Variants in KLHL1 observed in about 807,000 individuals in gnomAD.
KLHL1 encodes kelch-like protein 1.
In KLHL1, 47 loss-of-function variants were observed where a neutral mutation model predicts 77.7. The ratio of observed to expected loss-of-function variants is 0.60; its 90% CI spans 0.48 to 0.77. The LOEUF (loss-of-function observed/expected upper bound fraction) is 0.77, where lower values mean the gene tolerates loss of function less well. Among genes scored for constraint, KLHL1 ranks in the 30% least tolerant of loss-of-function variants. KLHL1 has a pLI of 0.00. For synonymous variants in KLHL1, 360 were observed against 325.2 expected (o/e 1.11, Z -1.15); for missense variants, 925 against 910.8 (o/e 1.02, Z -0.20).
At chr13:70,004,381 G>A (rs11619708) in intron 1 of KLHL1, among the ~76,000 whole-genome samples, 12,155 of 151,698 alleles carry the variant, frequency 0.08, 548 homozygotes, top group Non-Finnish European at 0.1. Context: ...AATGCTAAGC[G>A]TCCAAGATTA....
Position 69,966,842 on chromosome 13 carries a change from T to G in KLHL1, c.681-5398A>C, listed in dbSNP as rs145063187. 7.3e-3 allele frequency among the ~76,000 whole-genome samples: 1,110 copies of G among 152,266 alleles called. 7 individuals are homozygous for G. The highest frequency in any genetic ancestry group is 9.8e-3 in the Non-Finnish European group (665 of 68,012). On this transcript the variant is annotated intron_variant, in intron 2 of 10. Transcript: ENST00000377844. ...TATAATCACAGCTTTTAGCAACTAC[T>G]TATGAGTGAAGACATATGACATTTG...
Position 69,848,955 on chromosome 13 carries a change from A to C in KLHL1, c.1228-9793T>G, listed in dbSNP as rs552265769. 4.0e-5 allele frequency among the ~76,000 whole-genome samples: 6 copies of C among 151,606 alleles called. No individual in the cohort carries two copies. In the Admixed American group the frequency reaches 4.0e-4, roughly 10 times the overall value. ...TTTGATTAACTTTTATTTATTTAAC[A>C]TGGGTTTACTGTTCCATATTTTGAA... On this transcript the variant is annotated intron_variant, in intron 5 of 10. Transcript: ENST00000377844.
At chr13:69,854,865 T>A (rs1326344727) in intron 5 of KLHL1, among the ~76,000 whole-genome samples, 2 of 152,014 alleles carry the variant, frequency 1.3e-5, no homozygotes, top group African/African-American at 4.8e-5. Context: ...CCAAGAAAAT[T>A]CTTAATTGTA....
intron 5 of KLHL1, among the ~76,000 whole-genome samples, chr13:69,848,832 G>T (rs1203429105): frequency 2.6e-5 from 4 of 151,400 alleles, no homozygotes; most frequent in Non-Finnish European, 4.4e-5. Context: ...AAGTACAGAA[G>T]AATAATGACA....
chr13:69,708,329 G>A (rs977973477), intron 9 of KLHL1, among the ~76,000 whole-genome samples: 2 of 151,900 alleles, frequency 1.3e-5, no homozygotes, highest in Non-Finnish European at 2.9e-5. Context: ...TTAATGCATG[G>A]TCCGCTTTGA....
intron 3 of KLHL1, among the ~76,000 whole-genome samples, chr13:69,942,843 A>T (rs1222194274): frequency 6.6e-6 from 1 of 152,142 alleles, no homozygotes; most frequent in Non-Finnish European, 1.5e-5. Context: ...GCTATGACAT[A>T]CACTTTCCCA....
intron 2 of KLHL1, among the ~76,000 whole-genome samples, chr13:69,963,486 GT>G (rs1826388225): frequency 6.6e-6 from 1 of 152,102 alleles, no homozygotes. Context: ...TATTTTACAT[GT>G]TGAAAATTCT....
chr13:70,011,318 ACACAGATATTAT>A (rs1216958572), intron 1 of KLHL1, among the ~76,000 whole-genome samples: 2 of 152,212 alleles, frequency 1.3e-5, no homozygotes, highest in Non-Finnish European at 1.5e-5. Context: ...AAACCTGTCA[ACACAGATATTAT>A]AAATTATACA....
At chr13:70,086,622 GAAAGAAAGAAAA>G (rs1262494531) in intron 1 of KLHL1, among the ~76,000 whole-genome samples, 2 of 54,382 alleles carry the variant, frequency 3.7e-5, no homozygotes, top group East Asian at 6.2e-4. Context: ...AAGAAAGAAA[GAAAGAAAGAAAA>G]AAGAAAAAGA....
chr13:70,100,178 T>C (rs1010911823), intron 1 of KLHL1, among the ~76,000 whole-genome samples: 25 of 147,856 alleles, frequency 1.7e-4, no homozygotes, highest in African/African-American at 6.1e-4. Context: ...GAATATTATA[T>C]ATTCATATTT....
chr13:69,986,847 C>G (rs1884885293), intron 1 of KLHL1, among the ~76,000 whole-genome samples: 1 of 151,824 alleles, frequency 6.6e-6, no homozygotes, highest in Admixed American at 6.6e-5. Flanking sequence ...TTCTGACATA[C>G]TTATTATTTG....
chr13:69,862,466 A>G (rs1461554963), intron 5 of KLHL1, among the ~76,000 whole-genome samples: 1 of 152,120 alleles, frequency 6.6e-6, no homozygotes, highest in African/African-American at 2.4e-5. Flanking sequence ...TTTCAAAAGC[A>G]TGTCTTAAAC....
At chr13:69,859,002 T>G (rs1206350784) in intron 5 of KLHL1, among the ~76,000 whole-genome samples, 1 of 152,082 alleles carries the variant, frequency 6.6e-6, no homozygotes, top group African/African-American at 2.4e-5. Flanking sequence ...CCATCCAAAC[T>G]TCCATCTCAT....
chr13:69,978,528 C>T (rs1468244552), intron 1 of KLHL1, among the ~76,000 whole-genome samples: 1 of 150,936 alleles, frequency 6.6e-6, no homozygotes, highest in South Asian at 2.1e-4. Context: ...ACTCTGTCGC[C>T]CAGGTTGGGG....
chr13:69,790,490 ATAAC>A (rs572887330), intron 7 of KLHL1, among the ~76,000 whole-genome samples: 5 of 152,204 alleles, frequency 3.3e-5, no homozygotes, highest in African/African-American at 4.8e-5. Context: ...CAGAGACATG[ATAAC>A]TAACTCTAGA....
At chr13:70,013,093 C>T (rs565169398) in intron 1 of KLHL1, among the ~76,000 whole-genome samples, 5 of 151,856 alleles carry the variant, frequency 3.3e-5, no homozygotes, top group South Asian at 2.1e-4. Context: ...TTAAAAATAT[C>T]GGGGAATGAT....
At chr13:70,072,573 A>G (rs1011539671) in intron 1 of KLHL1, among the ~76,000 whole-genome samples, 2 of 152,156 alleles carry the variant, frequency 1.3e-5, no homozygotes, top group Non-Finnish European at 2.9e-5. Context: ...AGAAAAATGT[A>G]TAACAATAAT....
chr13:69,913,603 A>G (rs901903664), intron 4 of KLHL1, among the ~76,000 whole-genome samples: 4 of 152,358 alleles, frequency 2.6e-5, no homozygotes, highest in Non-Finnish European at 4.4e-5. Flanking sequence ...TTTGGAAAAT[A>G]TGATTCCCAG....
intron 5 of KLHL1, among the ~76,000 whole-genome samples, chr13:69,876,822 G>C (rs950263730): frequency 1.3e-5 from 2 of 152,160 alleles, no homozygotes; most frequent in African/African-American, 4.8e-5. Context: ...TGGATCACCT[G>C]AGATCAGGAG....
Sources: gnomAD v4.1 joint callset for allele counts (sites outside exome capture counted in the v4.1 genomes callset) on GRCh38, gnomAD v4.1.1 for gene constraint, MANE v1.5 for transcripts, NCBI Gene and HGNC (gene_info 2026-07-23, HGNC 2026-07-21) for gene names.